The following SPINT2 variants were observed in gnomAD, a reference collection of about 807,000 sequenced individuals.
SPINT2 encodes the protein kunitz-type protease inhibitor 2.
SPINT2 carries 18 observed loss-of-function variants against 30.1 expected under a neutral mutation model. That is an observed-to-expected ratio of 0.60 (90% confidence interval 0.41 to 0.89). SPINT2 has a LOEUF of 0.89. Ranked by LOEUF, SPINT2 falls within the 40% of genes least tolerant of loss-of-function variation. The probability of loss-of-function intolerance (pLI) is 0.00; values close to 1 mark genes in which losing one functional copy is unlikely to be tolerated. For synonymous variants in SPINT2, 139 were observed against 137.9 expected, an observed-to-expected ratio of 1.01 and a Z score of -0.05; for missense variants, 276 against 334.3, an observed-to-expected ratio of 0.83 and a Z score of 1.36.
chr19:38,278,841 A>G (rs1968548295), intron 1 of SPINT2, among the ~76,000 whole-genome samples: 1 of 152,162 alleles, frequency 6.6e-6, no homozygotes, highest in African/African-American at 2.4e-5. Context: ...ACAGTGAATG[A>G]GAAAATGCAC....
chr19:38,283,038 G>A (rs374326871), intron 1 of SPINT2, among the ~76,000 whole-genome samples: 4 of 151,642 alleles, frequency 2.6e-5, no homozygotes, highest in Admixed American at 6.6e-5. Context: ...TCCATTGGGC[G>A]TAGTGGCTCG....
intron 2 of SPINT2, among the ~76,000 whole-genome samples, chr19:38,286,170 G>A (rs754670244): frequency 9.2e-5 from 14 of 152,168 alleles, no homozygotes; most frequent in Non-Finnish European, 1.9e-4. Flanking sequence ...GTCCTTTGCC[G>A]GCATATTCTC....
At position 38,268,766 on chromosome 19, in the gene SPINT2, C is replaced by CGCGTGTGTGTGTGTGTGTGTGTGTGT. The variant is rs375982086; in HGVS notation, c.106+3769_106+3770insCGTGTGTGTGTGTGTGTGTGTGTGTG. On this transcript the variant is annotated intron_variant, in intron 1 of 6. Transcript: ENST00000301244. ...GACAGAGAGAGAGCATGCGCGCGCG[C>CGCGTGTGTGTGTGTGTGTGTGTGTGT]GTGTGTGTGTGTGTGTGTGTGTGTT... is the stretch of plus-strand genomic sequence containing the variant. 9.3e-5 allele frequency among the ~76,000 whole-genome samples: 14 copies of CGCGTGTGTGTGTGTGTGTGTGTGTGT among 149,922 alleles called. No individual in the cohort carries two copies. The East Asian group carries it at 1.0e-3, about 11-fold the overall frequency.
At chr19:38,284,282 C>CG (rs1568342437) in intron 2 of SPINT2, among the ~76,000 whole-genome samples, 1 of 151,940 alleles carries the variant, frequency 6.6e-6, no homozygotes, top group Admixed American at 6.6e-5. Context: ...TTTATAGAGG[C>CG]GGGGGTCTCC....
intron 1 of SPINT2, among the ~76,000 whole-genome samples, chr19:38,279,022 G>A (rs112879104): frequency 0.011 from 1,642 of 152,128 alleles, 35 homozygotes; most frequent in African/African-American, 0.038. Context: ...GTTAGTGAAA[G>A]CATGTGACAA....
At chr19:38,270,528 ATGAG>A (rs1968441902) in intron 1 of SPINT2, among the ~76,000 whole-genome samples, 1 of 152,210 alleles carries the variant, frequency 6.6e-6, no homozygotes, top group African/African-American at 2.4e-5. Context: ...ATGTCTGGTG[ATGAG>A]TGTCAGGGTT....
chr19:38,287,587 A>G (rs1968657670), intron 2 of SPINT2, among the ~76,000 whole-genome samples: 1 of 151,136 alleles, frequency 6.6e-6, no homozygotes, highest in African/African-American at 2.4e-5. Context: ...TTGGCCTCCC[A>G]AAGTACTGGA....
At position 38,264,958 on chromosome 19, in the gene SPINT2, C is replaced by G. The variant is rs1968359626; in HGVS notation, c.66C>G (p.Leu22=). ...TCGCCCTGCTGGGATCGCTGCTCCT[C>G]TCTGGGGTCCTGGCGGCCGACCGAG... The part of the protein sequence containing the change: ...AFLALLGSLL[L]SGVLAADRER... The change falls in exon 1 of 7, where the codon CTC becomes CTG. Residue 22 remains leucine, a synonymous_variant. Coordinates refer to ENST00000301244, the MANE Select transcript of SPINT2 (RefSeq NM_021102.4). 2 of 1,536,268 alleles carry G rather than the reference C, an allele frequency of 1.3e-6. No individual in the cohort carries two copies. The highest frequency in any genetic ancestry group is 4.9e-5 in the East Asian group (2 of 40,880).
At chr19:38,283,504 C>T (rs1165307601) in intron 1 of SPINT2, 123 bp from the exon 2 acceptor site, 1 of 1,251,710 alleles carries the variant, frequency 8.0e-7, no homozygotes, top group East Asian at 2.3e-5. Flanking sequence ...GGAAACAGCT[C>T]ACAGGGGAAC....
chr19:38,289,467 A>G, intron 4 of SPINT2: 2 of 159,926 alleles, frequency 1.3e-5, no homozygotes, highest in Non-Finnish European at 2.5e-5. Context: ...CCTGGGCAAC[A>G]GAGTGAGACT....
At chr19:38,286,067 T>C (rs1459020771) in intron 2 of SPINT2, among the ~76,000 whole-genome samples, 1 of 152,134 alleles carries the variant, frequency 6.6e-6, no homozygotes, top group African/African-American at 2.4e-5. Context: ...AAAGCACATA[T>C]TGGCATCTGA....
chr19:38,267,110 C>T (rs897393032), intron 1 of SPINT2, among the ~76,000 whole-genome samples: 4 of 152,188 alleles, frequency 2.6e-5, no homozygotes, highest in African/African-American at 9.7e-5. Context: ...ACTGCAGAGG[C>T]CTTCTCTGTT....
intron 4 of SPINT2, 146 bp from the exon 5 acceptor site, chr19:38,289,973 G>A: frequency 1.1e-6 from 1 of 893,668 alleles, no homozygotes; most frequent in Non-Finnish European, 1.8e-6. Flanking sequence ...CCGCTGCACT[G>A]GTCTTGGGTG....
intron 1 of SPINT2, among the ~76,000 whole-genome samples, chr19:38,274,664 A>G (rs1195866976): frequency 6.6e-6 from 1 of 152,124 alleles, no homozygotes; most frequent in Non-Finnish European, 1.5e-5. Flanking sequence ...GAAAATACAC[A>G]AAGTAGCCAG....
intron 2 of SPINT2, among the ~76,000 whole-genome samples, chr19:38,285,100 C>T (rs538705981): frequency 6.6e-5 from 10 of 152,146 alleles, no homozygotes; most frequent in East Asian, 1.9e-4. Context: ...AACAAACATA[C>T]GTCCTGGAAT....
At chr19:38,270,993 G>A (rs1313412754) in intron 1 of SPINT2, among the ~76,000 whole-genome samples, 1 of 152,188 alleles carries the variant, frequency 6.6e-6, no homozygotes, top group Non-Finnish European at 1.5e-5. Context: ...CCTCACAAGT[G>A]TCATTTCATG....
chr19:38,264,700 A>C lies in SPINT2; in HGVS notation c.-193A>C. On this transcript the variant is annotated 5_prime_UTR_variant, in exon 1 of 7. Coordinates refer to ENST00000301244, the MANE Select transcript of SPINT2 (RefSeq NM_021102.4). Reference sequence around the variant, plus strand: ...CAGACCCAGGCATCGCGCGCCGAGAAGGCCGGGCGTCCCCACACTGAAGGT... The same window carrying C: ...CAGACCCAGGCATCGCGCGCCGAGACGGCCGGGCGTCCCCACACTGAAGGT... The C allele has an allele frequency of 1.7e-6, 1 of 590,968 alleles. No homozygotes were observed. Among genetic ancestry groups the C allele is most frequent in the Non-Finnish European group, 3.0e-6 (1 of 338,202 alleles). 36.6% of individuals were successfully genotyped at this position (590,968 alleles called of 1,614,324 possible). A position where few individuals can be genotyped will look rare whatever the true frequency, so the allele number is the denominator to read the frequency against.
chr19:38,274,821 A>AAC (rs1194528451), intron 1 of SPINT2, among the ~76,000 whole-genome samples: 2 of 151,784 alleles, frequency 1.3e-5, no homozygotes, highest in Admixed American at 1.3e-4. Context: ...TTAAAAAAAA[A>AAC]AAAAAACATA....
intron 1 of SPINT2, among the ~76,000 whole-genome samples, chr19:38,275,020 C>A (rs12608697): frequency 0.39 from 59,184 of 151,730 alleles, 12,362 homozygotes; most frequent in East Asian, 0.64. Flanking sequence ...AGCAGCTCTG[C>A]GAGCAATTTT....
Sources: gnomAD v4.1 joint callset for allele counts (sites outside exome capture counted in the v4.1 genomes callset) on GRCh38, gnomAD v4.1.1 for gene constraint, MANE v1.5 for transcripts, NCBI Gene and HGNC (gene_info 2026-07-23, HGNC 2026-07-21) for gene names.